The following AP3D1 variants were observed in gnomAD, a reference collection of about 807,000 sequenced individuals.
AP3D1 encodes the protein AP-3 complex subunit delta-1.
Under a neutral mutation model 147.6 loss-of-function variants are expected in AP3D1, and 51 were observed. The ratio of observed to expected loss-of-function variants is 0.35; its 90% CI spans 0.28 to 0.44. AP3D1 has a LOEUF of 0.44. AP3D1 is among the 20% of genes least tolerant of loss of function. The pLI is 1.00. For missense variants in AP3D1, 1,421 were observed against 1,624.2 expected, an observed-to-expected ratio of 0.87 and a Z score of 2.15; for synonymous variants, 760 against 663.0, an observed-to-expected ratio of 1.15 and a Z score of -2.25.
rs776157581 is a variant in AP3D1, at chr19:2,121,154, G to A, written c.1250+9C>T. The stretch of plus-strand genomic sequence containing the variant: ...AACCCCCGGCCACACCCCTGGGAGC[G>A]GGACGCACCACTCGAAGTTGGTGAT... On this transcript the variant is annotated intron_variant, in intron 13 of 31. Coordinates refer to ENST00000643116, the MANE Select transcript of AP3D1 (RefSeq NM_001261826.3). 2.9e-5 allele frequency: 47 copies of A among 1,613,998 alleles called. No individual in the cohort carries two copies. Among genetic ancestry groups the A allele is most frequent in the Admixed American group, 5.0e-5 (3 of 60,008 alleles).
At position 2,111,748 on chromosome 19, in the gene AP3D1, C is replaced by A; in HGVS notation, c.2868G>T (p.Gln956His). 6.2e-7 allele frequency: 1 copy of A among 1,610,260 alleles called. No homozygotes were observed. Among genetic ancestry groups the A allele is most frequent in the Non-Finnish European group, 8.5e-7 (1 of 1,178,402 alleles). Residue 956 changes from glutamine (Q) to histidine (H), a missense_variant, in exon 25 of 32, where the codon CAG becomes CAT. By Grantham distance (24) the Gln-to-His change is conservative. Around this residue, in one of 6 missense-constraint regions of AP3D1, gnomAD observed 791 missense variants for 761.4 expected, o/e 1.04. Transcript: ENST00000643116. ...CCGCTGCCTCCTCGCTGCCTGGAGGCTGCTTCTTGGACTTCTTCTTGCCTT... is the reference window on the plus strand; with the variant it reads ...CCGCTGCCTCCTCGCTGCCTGGAGGATGCTTCTTGGACTTCTTCTTGCCTT... ...RTKGKKKSKK[Q>H]PPGSEEAAGE...
intron 1 of AP3D1, chr19:2,164,293 C>A (rs137954898): frequency 4.8e-6 from 6 of 1,240,422 alleles, no homozygotes; most frequent in Non-Finnish European, 6.1e-6. Context: ...CCGTCCCTAC[C>A]TCCCGGCCTC....
chr19:2,119,274 A>G (rs950582825), intron 14 of AP3D1, among the ~76,000 whole-genome samples: 4 of 152,192 alleles, frequency 2.6e-5, no homozygotes, highest in African/African-American at 9.6e-5. Context: ...AAATGATAGA[A>G]GTGGCCGGGT....
intron 1 of AP3D1, among the ~76,000 whole-genome samples, chr19:2,143,696 A>C (rs1428885519): frequency 6.6e-6 from 1 of 152,066 alleles, no homozygotes; most frequent in African/African-American, 2.4e-5. Context: ...AAGCCCAGGA[A>C]GTCAATGCTG....
At chr19:2,114,055 C>G (rs918980535) in intron 22 of AP3D1, 70 bp downstream of exon 22, 1 of 1,501,286 alleles carries the variant, frequency 6.7e-7, no homozygotes, top group African/African-American at 1.4e-5. Flanking sequence ...CTGAGCTCAC[C>G]GCTGTCTCCT....
intron 5 of AP3D1, among the ~76,000 whole-genome samples, chr19:2,132,216 G>A (rs572523704): frequency 1.2e-4 from 18 of 152,230 alleles, no homozygotes; most frequent in Non-Finnish European, 1.5e-4. Context: ...ATCCCCCACC[G>A]TGCCTGGCCT....
At chr19:2,151,174 G>A (rs977347218) in intron 1 of AP3D1, 65 bp downstream of exon 1, 45 of 1,474,918 alleles carry the variant, frequency 3.1e-5, no homozygotes, top group Non-Finnish European at 4.1e-5. Flanking sequence ...GGCCCAGTGA[G>A]CAGGGCTGGG....
chr19:2,137,310 ATG>A (rs2019102632), intron 3 of AP3D1, among the ~76,000 whole-genome samples: 2 of 151,044 alleles, frequency 1.3e-5, no homozygotes, highest in Admixed American at 1.3e-4. Flanking sequence ...TGGAATATGT[ATG>A]TGTTTTTTTT....
At chr19:2,127,924 A>C (rs1410267647) in intron 8 of AP3D1, among the ~76,000 whole-genome samples, 1 of 152,222 alleles carries the variant, frequency 6.6e-6, no homozygotes, top group Non-Finnish European at 1.5e-5. Flanking sequence ...GGCCGCAGCC[A>C]GGAGAATGGC....
chr19:2,104,307 C>CTCCAAG (rs2018045906), intron 31 of AP3D1, among the ~76,000 whole-genome samples: 2 of 135,404 alleles, frequency 1.5e-5, no homozygotes, highest in Admixed American at 7.1e-5. Flanking sequence ...AAGACACCAA[C>CTCCAAG]ACGCAGACCC....
intron 1 of AP3D1, among the ~76,000 whole-genome samples, chr19:2,147,892 A>G (rs2019402397): frequency 6.6e-6 from 1 of 151,616 alleles, no homozygotes; most frequent in Non-Finnish European, 1.5e-5. Flanking sequence ...TCAAAAAAAA[A>G]AAGAAAAAAA....
chr19:2,118,271 A>C (rs2145054861), intron 15 of AP3D1, among the ~76,000 whole-genome samples: 1 of 152,342 alleles, frequency 6.6e-6, no homozygotes, highest in Middle Eastern at 3.4e-3. Flanking sequence ...CGTCACCTGC[A>C]GCCACCAGAA....
At chr19:2,112,355 C>T (rs1276570322) in intron 24 of AP3D1, 1 of 179,630 alleles carries the variant, frequency 5.6e-6, no homozygotes, top group African/African-American at 2.4e-5. Flanking sequence ...AGGCTCTGAC[C>T]CAAGCCATAG....
At chr19:2,156,578 C>T (rs1432405234) in intron 1 of AP3D1, among the ~76,000 whole-genome samples, 9 of 151,672 alleles carry the variant, frequency 5.9e-5, no homozygotes, top group African/African-American at 1.5e-4. Flanking sequence ...GGGCAGGGCG[C>T]GGTGGCTCAC....
chr19:2,111,554 C>G (rs1030975806), intron 25 of AP3D1, 125 bp downstream of exon 25: 3 of 1,349,826 alleles, frequency 2.2e-6, no homozygotes, highest in Non-Finnish European at 3.0e-6. Context: ...CCCCTGCCCC[C>G]GCCAGGCTCG....
chr19:2,128,188 G>C lies in AP3D1; in HGVS notation c.806+902C>G, dbSNP rs191067186. ...TCAGCACTTGGTCTGAGGAATTAAA[G>C]TGTCCCCTTCTAGCAACCAAAGGCA... On this transcript the variant is annotated intron_variant, in intron 8 of 31. Coordinates refer to ENST00000643116, the MANE Select transcript of AP3D1 (RefSeq NM_001261826.3). Among the ~76,000 whole-genome samples the C allele has an allele frequency of 3.3e-4, 50 of 152,232 alleles. No individual in the cohort carries two copies. The Middle Eastern group carries it at 0.014, about 41-fold the overall frequency.
intron 8 of AP3D1, among the ~76,000 whole-genome samples, chr19:2,127,442 C>T (rs1017803769): frequency 2.0e-5 from 3 of 152,236 alleles, no homozygotes; most frequent in African/African-American, 7.2e-5. Flanking sequence ...AGCATCCACG[C>T]AGGGACGGAC....
chr19:2,123,927 G>A (rs375725683), intron 9 of AP3D1, 48 bp from the exon 10 acceptor site: 22 of 1,552,274 alleles, frequency 1.4e-5, no homozygotes, highest in African/African-American at 1.1e-4. Flanking sequence ...CATGGCCAGC[G>A]CCGACACCAA....
chr19:2,160,321 G>C (rs2019685957), intron 1 of AP3D1, among the ~76,000 whole-genome samples: 1 of 152,038 alleles, frequency 6.6e-6, no homozygotes, highest in Non-Finnish European at 1.5e-5. Context: ...CTGAGGTCAG[G>C]AGTTCGAGAC....
Sources: allele counts gnomAD v4.1 joint callset (sites outside exome capture counted in the v4.1 genomes callset), GRCh38; gene constraint gnomAD v4.1.1; regional missense constraint gnomAD v4.1.1; transcripts MANE v1.5; gene names NCBI Gene and HGNC (gene_info 2026-07-23, HGNC 2026-07-21).